Variants in TTC39B observed in about 807,000 individuals in gnomAD.
The protein encoded by TTC39B is tetratricopeptide repeat domain 39B.
A neutral mutation model predicts 96.6 loss-of-function variants in TTC39B; 92 were observed. The observed-to-expected ratio is 0.95, with a 90% CI of 0.80 to 1.13. The LOEUF is 1.13. Among genes scored for constraint, TTC39B ranks in the 50% most tolerant of loss-of-function variants. The pLI, the probability that TTC39B is intolerant of heterozygous loss-of-function variation, is 0.00. For missense variants in TTC39B, 955 were observed against 809.3 expected (o/e 1.18, Z -2.18); for synonymous variants, 367 against 299.4 (o/e 1.23, Z -2.33).
At chr9:15,270,489 G>A (rs1024052290) in intron 1 of TTC39B, among the ~76,000 whole-genome samples, 4 of 151,738 alleles carry the variant, frequency 2.6e-5, no homozygotes, top group African/African-American at 9.7e-5. Context: ...CCTCAGCATG[G>A]ACACTAAAAT....
chr9:15,303,378 AT>A lies in TTC39B; in HGVS notation c.240+3705del, dbSNP rs759714390. ...TGAAAAAATCATTTTCTGAAAAGTG[AT>A]TTTTTTTTTTTTTTTGAAACGGGGT... is the stretch of plus-strand genomic sequence containing the variant. On this transcript the variant is annotated intron_variant, in intron 1 of 19. Transcript: ENST00000512701. Among the ~76,000 whole-genome samples the A allele has an allele frequency of 8.5e-3, 1,209 of 141,650 alleles. 6 individuals are homozygous for A. The highest frequency in any genetic ancestry group is 0.01 in the African/African-American group (404 of 38,974). 92.9% of individuals were successfully genotyped at this position (141,650 alleles called of 152,430 possible). A position where few individuals can be genotyped will look rare whatever the true frequency, so the allele number is the denominator to read the frequency against.
At chr9:15,235,446 T>C (rs1016291878) in intron 2 of TTC39B, among the ~76,000 whole-genome samples, 7 of 152,082 alleles carry the variant, frequency 4.6e-5, no homozygotes, top group African/African-American at 1.7e-4. Flanking sequence ...AACATACAGA[T>C]ACAAGACATT....
At chr9:15,198,684 C>T (rs931505315) in intron 8 of TTC39B, among the ~76,000 whole-genome samples, 1 of 151,074 alleles carries the variant, frequency 6.6e-6, no homozygotes, top group Non-Finnish European at 1.5e-5. Flanking sequence ...CAAAAGAAGA[C>T]AGGAAAAAAG....
chr9:15,212,729 CAT>C (rs1280548214), intron 4 of TTC39B, among the ~76,000 whole-genome samples: 1 of 152,122 alleles, frequency 6.6e-6, no homozygotes, highest in Non-Finnish European at 1.5e-5. Flanking sequence ...AACACTGAAA[CAT>C]GTACAAAAAT....
chr9:15,190,751 G>T (rs1258692417), intron 10 of TTC39B, 89 bp from the exon 11 acceptor site: 2 of 1,036,532 alleles, frequency 1.9e-6, no homozygotes, highest in Non-Finnish European at 2.9e-6. Flanking sequence ...TATTAGGGGG[G>T]TTACAAGTAC....
intron 1 of TTC39B, among the ~76,000 whole-genome samples, chr9:15,303,367 T>C (rs748304814): frequency 2.6e-5 from 4 of 151,890 alleles, no homozygotes; most frequent in Admixed American, 6.6e-5. Flanking sequence ...AAAATCATTT[T>C]CTGAAAAGTG....
intron 16 of TTC39B, 62 bp from the exon 17 acceptor site, chr9:15,182,477 C>G: frequency 1.8e-6 from 2 of 1,123,412 alleles, no homozygotes; most frequent in East Asian, 2.5e-5. Context: ...CCTTTATGAT[C>G]CCCAAACAAT....
At chr9:15,177,114 T>C (rs1038234700) in intron 18 of TTC39B, among the ~76,000 whole-genome samples, 1 of 152,204 alleles carries the variant, frequency 6.6e-6, no homozygotes, top group African/African-American at 2.4e-5. Context: ...GTCTCTGGCA[T>C]ATAGTGGGTG....
chr9:15,197,341 A>C (rs1176224332), intron 8 of TTC39B, among the ~76,000 whole-genome samples: 1 of 152,188 alleles, frequency 6.6e-6, no homozygotes, highest in Admixed American at 6.5e-5. Flanking sequence ...ATATTTCACA[A>C]AGAAATCTAT....
chr9:15,288,295 T>G (rs1751995045), intron 1 of TTC39B, among the ~76,000 whole-genome samples: 1 of 152,192 alleles, frequency 6.6e-6, no homozygotes, highest in Admixed American at 6.5e-5. Context: ...TGGGCATTCC[T>G]GGTTTTGCAC....
At chr9:15,299,835 A>AC (rs1824520915) in intron 1 of TTC39B, among the ~76,000 whole-genome samples, 1 of 152,184 alleles carries the variant, frequency 6.6e-6, no homozygotes, top group African/African-American at 2.4e-5. Context: ...ATAAGAAGGC[A>AC]AGCAGCTAGC....
At chr9:15,217,957 C>T (rs1181481920) in intron 3 of TTC39B, among the ~76,000 whole-genome samples, 1 of 152,002 alleles carries the variant, frequency 6.6e-6, no homozygotes, top group African/African-American at 2.4e-5. Context: ...CGCCTGTAAT[C>T]CCAGCACTTT....
At chr9:15,233,332 C>T (rs1260041644) in intron 2 of TTC39B, among the ~76,000 whole-genome samples, 4 of 151,542 alleles carry the variant, frequency 2.6e-5, no homozygotes, top group African/African-American at 9.7e-5. Context: ...ACCTCGCCCT[C>T]TCCCTCTCCC....
intron 11 of TTC39B, 81 bp downstream of exon 11, chr9:15,190,473 G>C: frequency 2.4e-6 from 3 of 1,243,762 alleles, no homozygotes; most frequent in African/African-American, 1.5e-5. Flanking sequence ...AGCCTCCCAA[G>C]TAGTTGGGAT....
chr9:15,236,407 C>G (rs1325436596), intron 2 of TTC39B, among the ~76,000 whole-genome samples: 1 of 152,170 alleles, frequency 6.6e-6, no homozygotes, highest in African/African-American at 2.4e-5. Flanking sequence ...CATCACTAGA[C>G]AGATCATCGA....
Position 15,205,928 on chromosome 9 carries a change from G to C in TTC39B, c.692-2038C>G, listed in dbSNP as rs1354434645. ...AAGGGAGGAGACATCAATGAGGCTG[G>C]AAGGGCTCAGTCAAGGCTCAATTAT... On this transcript the variant is annotated intron_variant, in intron 6 of 19. Transcript: ENST00000512701. Among the ~76,000 whole-genome samples the C allele has an allele frequency of 2.0e-5, 3 of 152,182 alleles. 1 individual carries two copies. The highest frequency in any genetic ancestry group is 7.2e-5 in the African/African-American group (3 of 41,434).
intron 4 of TTC39B, 136 bp downstream of exon 4, chr9:15,214,003 A>G (rs1379047031): frequency 1.1e-5 from 6 of 549,832 alleles, no homozygotes; most frequent in African/African-American, 9.5e-5. Flanking sequence ...AAAAGTGACC[A>G]AAGTAAAGAG....
At chr9:15,224,710 G>C (rs1216253483) in intron 3 of TTC39B, among the ~76,000 whole-genome samples, 1 of 152,158 alleles carries the variant, frequency 6.6e-6, no homozygotes, top group Non-Finnish European at 1.5e-5. Context: ...TATCGAATGA[G>C]TTAGAGGATA....
chr9:15,234,324 C>A (rs557330291), intron 2 of TTC39B, among the ~76,000 whole-genome samples: 3 of 151,108 alleles, frequency 2.0e-5, no homozygotes, highest in African/African-American at 7.3e-5. Flanking sequence ...GTCAGCCCCC[C>A]GCCCAGCCAG....
Sources: gnomAD v4.1 joint callset for allele counts (sites outside exome capture counted in the v4.1 genomes callset) on GRCh38, gnomAD v4.1.1 for gene constraint, MANE v1.5 for transcripts, NCBI Gene and HGNC (gene_info 2026-07-23, HGNC 2026-07-21) for gene names.